Variants in CBLC observed in about 807,000 individuals in gnomAD.
CBLC encodes Cbl proto-oncogene C.
Under a neutral mutation model 58.6 loss-of-function variants are expected in CBLC, and 46 were observed. The observed-to-expected ratio is 0.79, with a 90% CI of 0.62 to 1.00. CBLC has a LOEUF of 1.00. CBLC is among the 50% of genes least tolerant of loss of function. The pLI is 0.00. For synonymous variants in CBLC, 271 were observed against 264.2 expected (o/e 1.03, Z -0.25); for missense variants, 655 against 625.8 (o/e 1.05, Z -0.50).
At chr19:44,783,486 G>A (rs1415256383) in intron 4 of CBLC, among the ~76,000 whole-genome samples, 1 of 151,090 alleles carries the variant, frequency 6.6e-6, no homozygotes, top group Admixed American at 6.6e-5. Flanking sequence ...TCCTGCCTGG[G>A]CAACAAGAGT....
chr19:44,792,506 G>C lies in CBLC; in HGVS notation c.1129G>C (p.Ala377Pro), dbSNP rs768327321. The C allele has an allele frequency of 2.5e-6, 4 of 1,599,526 alleles. No individual in the cohort carries two copies. Among genetic ancestry groups the C allele is most frequent in the Non-Finnish European group, 3.4e-6 (4 of 1,174,594 alleles). ...CCTGCTCTGCAGCTGCTGCCTGGCT[G>C]CCTGGCAGGTGGGTCTGACCCCTGT... ...GHLLCSCCLA[A>P]WQHSDSQTCP... Residue 377 changes from alanine to proline, a missense_variant, in exon 7 of 11, where the codon GCC becomes CCC. Coordinates refer to ENST00000647358, the MANE Select transcript of CBLC (RefSeq NM_012116.4).
rs755586372 is a variant in CBLC at position 44,781,189 on chromosome 19, C to T, written c.501-18C>T. 8.1e-6 allele frequency: 13 copies of T among 1,601,702 alleles called. No homozygotes were observed. Among genetic ancestry groups the T allele is most frequent in the Non-Finnish European group, 1.0e-5 (12 of 1,172,984 alleles). On this transcript the variant is annotated intron_variant, in intron 2 of 10. Transcript: ENST00000647358. ...TGGGAGGCCTCAGCGGTGTCTCCCC[C>T]ACCCCTCTCCCACCCAGGTGTGTGC... is the stretch of plus-strand genomic sequence containing the variant.
chr19:44,791,619 G>A (rs1968051888), intron 6 of CBLC, among the ~76,000 whole-genome samples: 1 of 151,620 alleles, frequency 6.6e-6, no homozygotes, highest in Admixed American at 6.6e-5. Context: ...TGTAGTCCCA[G>A]CTACTCAGGA....
chr19:44,784,804 G>C lies in CBLC; in HGVS notation c.917+403G>C, dbSNP rs185351030. ...TGGTCTGGAGCTCCTGGGCTCAAGC[G>C]ATCTTCCTGCCTCGGCCTCCCAAAG... On this transcript the variant is annotated intron_variant, in intron 5 of 10. Coordinates refer to ENST00000647358, the MANE Select transcript of CBLC (RefSeq NM_012116.4). 1.4e-3 allele frequency among the ~76,000 whole-genome samples: 209 copies of C among 152,042 alleles called. 1 individual carries two copies. The highest frequency in any genetic ancestry group is 8.7e-3 in the South Asian group (42 of 4,824).
chr19:44,783,552 G>A (rs569991309), intron 4 of CBLC, among the ~76,000 whole-genome samples: 6 of 151,426 alleles, frequency 4.0e-5, no homozygotes, highest in East Asian at 1.9e-4. Context: ...ATGGTGATGC[G>A]TGCCTATAGT....
chr19:44,785,995 T>TCAC (rs1345253343), intron 5 of CBLC, among the ~76,000 whole-genome samples: 2 of 151,962 alleles, frequency 1.3e-5, no homozygotes, highest in East Asian at 1.9e-4. Flanking sequence ...GGGGTGTGGC[T>TCAC]CACCATGTTG....
chr19:44,792,570 A>G, intron 7 of CBLC, 56 bp downstream of exon 7: 1 of 1,475,702 alleles, frequency 6.8e-7, no homozygotes, highest in Non-Finnish European at 9.0e-7. Flanking sequence ...CTACAGGGAA[A>G]GCCCCAAAAG....
chr19:44,798,231 A>T (rs1006730607), intron 9 of CBLC, among the ~76,000 whole-genome samples: 10 of 151,974 alleles, frequency 6.6e-5, no homozygotes, highest in African/African-American at 2.4e-4. Flanking sequence ...TAATGTTTTA[A>T]TTTAATTAGA....
chr19:44,780,960 G>T lies in CBLC; in HGVS notation c.409G>T (p.Ala137Ser). The T allele has an allele frequency of 2.5e-6, 4 of 1,613,454 alleles. No individual in the cohort carries two copies. Among genetic ancestry groups the T allele is most frequent in the Non-Finnish European group, 3.4e-6 (4 of 1,179,968 alleles). ...IFSHMHAELHALFPGGKYCGH... is the reference protein window; with the variant it reads ...IFSHMHAELHSLFPGGKYCGH... ...CAGCCACATGCACGCAGAGCTGCAC[G>T]CACTCTTCCCCGGGGGAAAGTACTG... Residue 137 changes from alanine (A) to serine (S), a missense_variant, in exon 2 of 11, where the codon GCA (alanine) becomes TCA (serine). Around this residue, in one of 3 missense-constraint regions of CBLC, gnomAD observed 280 missense variants for 237.2 expected, o/e 1.18. Transcript: ENST00000647358.
Position 44,780,924 on chromosome 19 carries a change from G to A in CBLC, c.373G>A (p.Ala125Thr). The A allele has an allele frequency of 6.2e-7, 1 of 1,612,780 alleles. No homozygotes were observed. The highest frequency in any genetic ancestry group is 8.5e-7 in the Non-Finnish European group (1 of 1,179,980). ...SRLRRQLAKL[A>T]IIFSHMHAEL... ...CCACAGGCGACAGCTGGCCAAGCTG[G>A]CCATCATCTTCAGCCACATGCACGC... The change falls in exon 2 of 11, where the codon GCC becomes ACC. Residue 125 changes from alanine (A) to threonine (T), a missense_variant. Around this residue, in one of 3 missense-constraint regions of CBLC, gnomAD observed 280 missense variants for 237.2 expected, o/e 1.18. Coordinates refer to ENST00000647358, the MANE Select transcript of CBLC (RefSeq NM_012116.4).
At position 44,784,330 on chromosome 19, in the gene CBLC, C is replaced by T. The variant is rs771512337; in HGVS notation, c.846C>T (p.Gly282=). 1.2e-5 allele frequency: 20 copies of T among 1,602,618 alleles called. No homozygotes were observed. The highest frequency in any genetic ancestry group is 1.6e-5 in the Non-Finnish European group (19 of 1,170,892). ...CCATCGGCTATGTGAGCTCAGATGGCAGCATCCTGCAGACCATCCCTGCCA... is the reference window on the plus strand; with the variant it reads ...CCATCGGCTATGTGAGCTCAGATGGTAGCATCCTGCAGACCATCCCTGCCA... ...QWAIGYVSSD[G]SILQTIPANK... The change falls in exon 5 of 11, where the codon GGC becomes GGT. Residue 282 remains glycine, a synonymous_variant. Coordinates refer to ENST00000647358, the MANE Select transcript of CBLC (RefSeq NM_012116.4).
chr19:44,786,811 A>G (rs1044761373), intron 5 of CBLC, among the ~76,000 whole-genome samples: 1 of 151,956 alleles, frequency 6.6e-6, no homozygotes, highest in Non-Finnish European at 1.5e-5. Context: ...CATTTAAAAC[A>G]GAAAAATCAG....
At chr19:44,783,671 ACT>A (rs1785089612) in intron 4 of CBLC, among the ~76,000 whole-genome samples, 1 of 152,128 alleles carries the variant, frequency 6.6e-6, no homozygotes, top group Non-Finnish European at 1.5e-5. Context: ...ACAGAGCAAG[ACT>A]CTGTCTCAAA....
Position 44,784,300 on chromosome 19 carries a change from G to C in CBLC, c.816G>C (p.Gln272His). ...GGCCCAGCTGTACTCGCCTGGGGCA[G>C]TGGGCCATCGGCTATGTGAGCTCAG... ...IFRPSCTRLG[Q>H]WAIGYVSSDG... is the part of the protein sequence containing the mutation. Residue 272 changes from glutamine (Q) to histidine (H), a missense_variant, in exon 5 of 11, where the codon CAG becomes CAC. Physicochemically the swap from Gln to His is conservative, Grantham distance 24. Around this residue, in one of 3 missense-constraint regions of CBLC, gnomAD observed 371 missense variants for 370.8 expected, o/e 1.00. Transcript: ENST00000647358. 1.3e-6 allele frequency: 2 copies of C among 1,593,794 alleles called. No homozygotes were observed. The highest frequency in any genetic ancestry group is 1.7e-6 in the Non-Finnish European group (2 of 1,163,726).
intron 5 of CBLC, among the ~76,000 whole-genome samples, chr19:44,789,198 G>C (rs1198407812): frequency 6.6e-6 from 1 of 152,162 alleles, no homozygotes. Flanking sequence ...GGTCCTTGCT[G>C]TGTGACCTTG....
intron 5 of CBLC, among the ~76,000 whole-genome samples, chr19:44,785,278 T>C (rs1437928401): frequency 6.6e-6 from 1 of 151,380 alleles, no homozygotes; most frequent in Non-Finnish European, 1.5e-5. Flanking sequence ...CGGTCCTAAG[T>C]TTTGGATTTT....
intron 3 of CBLC, among the ~76,000 whole-genome samples, chr19:44,781,599 G>A (rs1451107785): frequency 4.4e-5 from 6 of 137,436 alleles, no homozygotes; most frequent in Non-Finnish European, 9.3e-5. Flanking sequence ...GGGAGGAGGG[G>A]GCTGGGGACC....
chr19:44,786,942 C>T (rs993269770), intron 5 of CBLC, among the ~76,000 whole-genome samples: 2 of 151,982 alleles, frequency 1.3e-5, no homozygotes, highest in African/African-American at 4.8e-5. Flanking sequence ...TGGTATCTAG[C>T]CAGGCATGGT....
At position 44,793,594 on chromosome 19, in the gene CBLC, G is replaced by A; in HGVS notation, c.1258G>A (p.Glu420Lys). 2 of 1,606,676 alleles carry A rather than the reference G, an allele frequency of 1.2e-6. No individual in the cohort carries two copies. The highest frequency in any genetic ancestry group is 1.7e-6 in the Non-Finnish European group (2 of 1,177,620). The change falls in exon 8 of 11, where the codon GAA (glutamate) becomes AAA (lysine). Residue 420 changes from glutamate (E) to lysine (K), a missense_variant. Physicochemically the swap from Glu to Lys is moderately conservative, Grantham distance 56. Around this residue, in one of 3 missense-constraint regions of CBLC, gnomAD observed 371 missense variants for 370.8 expected, o/e 1.00. Transcript: ENST00000647358. Reference protein sequence around the residue: ...AEDSGNSSDQEGRELELGQVP... With the variant: ...AEDSGNSSDQKGRELELGQVP... Reference sequence around the variant, plus strand: ...GGACTCAGGGAACAGCAGTGACCAGGAAGGCAGGGAGTTGGAGCTGGGGCA... The same window carrying A: ...GGACTCAGGGAACAGCAGTGACCAGAAAGGCAGGGAGTTGGAGCTGGGGCA...
Sources: allele counts gnomAD v4.1 joint callset (sites outside exome capture counted in the v4.1 genomes callset), GRCh38; gene constraint gnomAD v4.1.1; regional missense constraint gnomAD v4.1.1; transcripts MANE v1.5; gene names NCBI Gene and HGNC (gene_info 2026-07-23, HGNC 2026-07-21).